Variants in PAX2 observed in about 807,000 individuals in gnomAD.
PAX2 encodes paired box protein Pax-2.
A neutral mutation model predicts 41.7 loss-of-function variants in PAX2; 9 were observed. The ratio of observed to expected loss-of-function variants is 0.22; its 90% confidence interval spans 0.13 to 0.38. The LOEUF is 0.38. Ranked by LOEUF, PAX2 falls within the 10% of genes least tolerant of loss-of-function variation. PAX2 has a pLI of 1.00. For missense variants in PAX2, 418 were observed against 531.6 expected, an observed-to-expected ratio of 0.79 and a Z score of 2.10; for synonymous variants, 221 against 212.7, an observed-to-expected ratio of 1.04 and a Z score of -0.34.
chr10:100,763,681 T>A (rs1288115282), intron 3 of PAX2, among the ~76,000 whole-genome samples: 1 of 152,230 alleles, frequency 6.6e-6, no homozygotes, highest in Admixed American at 6.5e-5. Flanking sequence ...GACTGTCAGG[T>A]TCTTAAGACA....
intron 1 of PAX2, chr10:100,747,975 T>C (rs1845264814): frequency 2.0e-6 from 2 of 980,174 alleles, no homozygotes; most frequent in Non-Finnish European, 2.4e-6. Context: ...CAAGCAGAGG[T>C]CGGAGGGAGA....
At chr10:100,758,416 A>G (rs1845716293) in intron 3 of PAX2, among the ~76,000 whole-genome samples, 2 of 152,172 alleles carry the variant, frequency 1.3e-5, no homozygotes, top group South Asian at 4.1e-4. Context: ...CTGGGATTAC[A>G]GGCGTGAGCC....
intron 7 of PAX2, among the ~76,000 whole-genome samples, chr10:100,817,589 T>C (rs906811152): frequency 6.6e-6 from 1 of 152,192 alleles, no homozygotes; most frequent in Non-Finnish European, 1.5e-5. Context: ...GTAACATCCC[T>C]GCCTAGGACA....
chr10:100,793,925 A>G (rs1484350677), intron 5 of PAX2, among the ~76,000 whole-genome samples: 1 of 152,148 alleles, frequency 6.6e-6, no homozygotes, highest in Admixed American at 6.6e-5. Flanking sequence ...TTGCACTCAG[A>G]CAATTGGCTG....
rs151261238 is a variant in PAX2, at chr10:100,748,848, G to GGCGCC, written c.44-897_44-893dup. ...AGTCGGGTTTGGGTCGGCTACACAG[G>GGCGCC]GCGCCCCGAGAGTTATTAACTCGCC... is the stretch of plus-strand genomic sequence containing the variant. On this transcript the variant is annotated intron_variant, in intron 1 of 9. Coordinates refer to ENST00000355243, the MANE Select transcript of PAX2 (RefSeq NM_000278.5). The surrounding 1 kb of genome is among the most constrained non-coding windows in gnomAD (Gnocchi z 5.0). 4.5e-3 allele frequency: 4,468 copies of GGCGCC among 985,416 alleles called. 174 individuals carry two copies. The African/African-American group carries it at 0.074, about 16-fold the overall frequency. The allele number at this position is 985,416 out of a possible 1,614,324, so 61.0% of individuals were successfully genotyped here.
intron 1 of PAX2, chr10:100,749,429 A>G: frequency 8.4e-7 from 1 of 1,194,142 alleles, no homozygotes; most frequent in Non-Finnish European, 1.0e-6. Context: ...GCTGGCATGA[A>G]TTCCCCTTTG....
At chr10:100,786,991 A>C in intron 5 of PAX2, 1 of 1,389,640 alleles carries the variant, frequency 7.2e-7, no homozygotes, top group Non-Finnish European at 9.7e-7. Flanking sequence ...GGAGGTTTGC[A>C]TCTGGTCTGG....
chr10:100,826,337 C>G lies in PAX2; in HGVS notation c.1022-672C>G, dbSNP rs1424379466. ...GCGAGGGGGAAACCTGGAGGCCTGG[C>G]CTTTCTCCCGCAGAGGGAGGGAGGT... On this transcript the variant is annotated intron_variant, in intron 8 of 9. Coordinates refer to ENST00000355243, the MANE Select transcript of PAX2 (RefSeq NM_000278.5). The surrounding 1 kb of genome is among the most constrained non-coding windows in gnomAD (Gnocchi z 5.5). Among the ~76,000 whole-genome samples the G allele has an allele frequency of 1.3e-5, 2 of 152,142 alleles. No individual in the cohort carries two copies. The highest frequency in any genetic ancestry group is 2.9e-5 in the Non-Finnish European group (2 of 67,980).
At chr10:100,801,209 G>A (rs1307864950) in intron 5 of PAX2, among the ~76,000 whole-genome samples, 1 of 152,078 alleles carries the variant, frequency 6.6e-6, no homozygotes, top group Non-Finnish European at 1.5e-5. Context: ...CGCTTCACCT[G>A]CACCTCATTT....
chr10:100,783,905 G>A (rs551401398), intron 5 of PAX2, among the ~76,000 whole-genome samples: 12 of 152,150 alleles, frequency 7.9e-5, no homozygotes, highest in African/African-American at 2.2e-4. Flanking sequence ...TTTGAGAGAC[G>A]GTTCTCCTCC....
At chr10:100,769,513 A>G (rs1259521116) in intron 3 of PAX2, among the ~76,000 whole-genome samples, 1 of 151,900 alleles carries the variant, frequency 6.6e-6, no homozygotes, top group African/African-American at 2.4e-5. Flanking sequence ...CTATAATCCT[A>G]GCTACTCAGG....
intron 7 of PAX2, among the ~76,000 whole-genome samples, chr10:100,823,935 G>T (rs1779803803): frequency 6.6e-6 from 1 of 152,182 alleles, no homozygotes; most frequent in Non-Finnish European, 1.5e-5. Context: ...AGCAGCTGGT[G>T]GGGGAGCAGA....
Position 100,750,929 on chromosome 10 carries a change from G to T in PAX2, c.410+38G>T. 6.7e-7 allele frequency: 1 copy of T among 1,493,760 alleles called. No individual in the cohort carries two copies. The highest frequency in any genetic ancestry group is 9.3e-7 in the Non-Finnish European group (1 of 1,072,142). The allele number at this position is 1,493,760 out of a possible 1,614,324, so 92.5% of individuals were successfully genotyped here. ...CCCGGGTTTTCAGGGCTGGACTCCA[G>T]CTCCTGGCTCCTGCCTGCAGGGGTG... On this transcript the variant is annotated intron_variant, in intron 3 of 9. Transcript: ENST00000355243. This position sits in a 1 kb window ranked among gnomAD's most constrained non-coding sequence, Gnocchi z 4.1.
intron 5 of PAX2, among the ~76,000 whole-genome samples, chr10:100,805,565 C>G (rs1847749669): frequency 6.6e-6 from 1 of 152,160 alleles, no homozygotes; most frequent in South Asian, 2.1e-4. Flanking sequence ...GCTGAGAACG[C>G]CTGAGGAAAG....
At chr10:100,764,390 C>T (rs1040449082) in intron 3 of PAX2, among the ~76,000 whole-genome samples, 1 of 152,138 alleles carries the variant, frequency 6.6e-6, no homozygotes, top group African/African-American at 2.4e-5. Context: ...GATCCACCCA[C>T]CTTGGCCTCC....
Position 100,824,177 on chromosome 10 carries a change from C to T in PAX2, c.920-471C>T. ...GGGTGATGGTGGGGTGTCCTCCAAGCCTGAAGGAAAGATGGGGTGTTAGGG... is the reference window on the plus strand; with the variant it reads ...GGGTGATGGTGGGGTGTCCTCCAAGTCTGAAGGAAAGATGGGGTGTTAGGG... On this transcript the variant is annotated intron_variant, in intron 7 of 9. Transcript: ENST00000355243. This position sits in a 1 kb window ranked among gnomAD's most constrained non-coding sequence, Gnocchi z 6.6. 6.6e-6 allele frequency among the ~76,000 whole-genome samples: 1 copy of T among 151,990 alleles called. No individual in the cohort carries two copies. Among genetic ancestry groups the T allele is most frequent in the Non-Finnish European group, 1.5e-5 (1 of 68,002 alleles).
Position 100,745,805 on chromosome 10 carries a change from C to T in PAX2, c.-456C>T. On this transcript the variant is annotated 5_prime_UTR_variant, in exon 1 of 10. Coordinates refer to ENST00000355243, the MANE Select transcript of PAX2 (RefSeq NM_000278.5). Reference sequence around the variant, plus strand: ...TGCCAACTTCGCCAACTCGCCAGCACTTGGAGAGGCCCGGCTCCCCTCCCG... The same window carrying T: ...TGCCAACTTCGCCAACTCGCCAGCATTTGGAGAGGCCCGGCTCCCCTCCCG... The T allele has an allele frequency of 9.2e-7, 1 of 1,084,610 alleles. No homozygotes were observed. The highest frequency in any genetic ancestry group is 1.1e-6 in the Non-Finnish European group (1 of 893,182). 67.2% of individuals were successfully genotyped at this position (1,084,610 alleles called of 1,614,324 possible).
chr10:100,814,351 CAAAAAAAA>C (rs11458573), intron 7 of PAX2, among the ~76,000 whole-genome samples: 6 of 53,728 alleles, frequency 1.1e-4, no homozygotes, highest in Admixed American at 3.2e-4. Context: ...GACTCCATCT[CAAAAAAAA>C]AAAAAAAAAA....
At chr10:100,821,039 G>T (rs536808192) in intron 7 of PAX2, among the ~76,000 whole-genome samples, 7 of 152,334 alleles carry the variant, frequency 4.6e-5, no homozygotes, top group African/African-American at 9.6e-5. Flanking sequence ...CTATAGTACA[G>T]CAAGGCCCAG....
Sources: gnomAD v4.1 joint callset for allele counts (sites outside exome capture counted in the v4.1 genomes callset) on GRCh38, gnomAD v4.1.1 for gene constraint, Gnocchi (gnomAD v3.1) non-coding constraint, MANE v1.5 for transcripts, NCBI Gene and HGNC (gene_info 2026-07-23, HGNC 2026-07-21) for gene names.